CHMP6: variants seen among roughly 807,000 people sequenced by gnomAD.
The protein encoded by CHMP6 is charged multivesicular body protein 6.
A neutral mutation model predicts 32.8 loss-of-function variants in CHMP6; 10 were observed. That is an observed-to-expected ratio of 0.30 (90% CI 0.19 to 0.52). CHMP6 has a LOEUF of 0.52. Ranked by LOEUF, CHMP6 falls within the 20% of genes least tolerant of loss-of-function variation. The pLI is 0.97. For synonymous variants in CHMP6, 123 were observed against 105.8 expected (o/e 1.16, Z -1.00); for missense variants, 269 against 263.8 (o/e 1.02, Z -0.14).
Position 80,999,230 on chromosome 17 carries a change from C to G in CHMP6, c.*77C>G. 6.4e-7 allele frequency: 1 copy of G among 1,560,550 alleles called. No individual in the cohort carries two copies. The highest frequency in any genetic ancestry group is 8.8e-7 in the Non-Finnish European group (1 of 1,133,476). On this transcript the variant is annotated 3_prime_UTR_variant, in exon 8 of 8. Transcript: ENST00000325167. ...CAGAGAGTTTGGGTCACGGCCAGCC[C>G]CTGACCGGGTTCCCTGGAGCCCAGT...
At chr17:80,998,670 G>A in intron 7 of CHMP6, 3 of 1,401,506 alleles carry the variant, frequency 2.1e-6, no homozygotes, top group Middle Eastern at 2.7e-4. Context: ...AATCAGAACT[G>A]GGGAAAGGCT....
At position 80,999,389 on chromosome 17, in the gene CHMP6, G is replaced by T; in HGVS notation, c.*236G>T. On this transcript the variant is annotated 3_prime_UTR_variant, in exon 8 of 8. Transcript: ENST00000325167. ...TCTCAGTCCGGATTAACTCTCGACC[G>T]AGCCCAGCTTCTGCCGGTTGTGGGC... 2.0e-6 allele frequency: 1 copy of T among 505,142 alleles called. No homozygotes were observed. Among genetic ancestry groups the T allele is most frequent in the Non-Finnish European group, 3.6e-6 (1 of 279,518 alleles). The allele number at this position is 505,142 out of a possible 1,614,324, so 31.3% of individuals were successfully genotyped here.
At chr17:80,996,487 C>T (rs1364058599) in intron 4 of CHMP6, among the ~76,000 whole-genome samples, 1 of 152,188 alleles carries the variant, frequency 6.6e-6, no homozygotes, top group Admixed American at 6.5e-5. Flanking sequence ...CAGGGACTCA[C>T]CTGGCGGGAG....
chr17:80,998,689 A>G, intron 7 of CHMP6: 1 of 1,384,302 alleles, frequency 7.2e-7, no homozygotes, highest in Non-Finnish European at 9.4e-7. Context: ...CTTCTTTAGC[A>G]GCACCAGCTC....
intron 3 of CHMP6, 52 bp downstream of exon 3, chr17:80,995,158 C>T: frequency 6.6e-7 from 1 of 1,520,952 alleles, no homozygotes; most frequent in South Asian, 1.2e-5. Context: ...GGAGGCAGCT[C>T]CGCCCGGCTG....
At chr17:80,999,028 C>T in intron 7 of CHMP6, 70 bp from the exon 8 acceptor site, 1 of 1,585,428 alleles carries the variant, frequency 6.3e-7, no homozygotes, top group South Asian at 1.1e-5. Flanking sequence ...CCCCTGTGGC[C>T]TCGTCCCTCT....
rs1356828230 is a variant in CHMP6, at chr17:80,999,385, G to A, written c.*232G>A. 9.7e-6 allele frequency: 5 copies of A among 514,198 alleles called. No homozygotes were observed. The highest frequency in any genetic ancestry group is 3.4e-5 in the East Asian group (1 of 29,208). 31.9% of individuals were successfully genotyped at this position (514,198 alleles called of 1,614,324 possible). On this transcript the variant is annotated 3_prime_UTR_variant, in exon 8 of 8. Coordinates refer to ENST00000325167, the MANE Select transcript of CHMP6 (RefSeq NM_024591.5). Reference sequence around the variant, plus strand: ...CTGCTCTCAGTCCGGATTAACTCTCGACCGAGCCCAGCTTCTGCCGGTTGT... The same window carrying A: ...CTGCTCTCAGTCCGGATTAACTCTCAACCGAGCCCAGCTTCTGCCGGTTGT...
At chr17:80,998,063 C>T (rs1244261013) in intron 6 of CHMP6, among the ~76,000 whole-genome samples, 4 of 152,218 alleles carry the variant, frequency 2.6e-5, no homozygotes, top group Admixed American at 6.5e-5. Context: ...ACCCACCCCT[C>T]GGTCCCTGAG....
rs1456347923 is a variant in CHMP6 at position 80,999,946 on chromosome 17, C to T, written c.*793C>T. The T allele has an allele frequency of 2.0e-5, 3 of 152,270 alleles. No individual in the cohort carries two copies. The highest frequency in any genetic ancestry group is 3.9e-4 in the East Asian group (2 of 5,186). 9.4% of individuals were successfully genotyped at this position (152,270 alleles called of 1,614,324 possible). ...CGGGACCCTCCTGCCCTGCGGGTCC[C>T]CGAGCCACCAGCAGCCAGGACTGGA... On this transcript the variant is annotated 3_prime_UTR_variant, in exon 8 of 8. Coordinates refer to ENST00000325167, the MANE Select transcript of CHMP6 (RefSeq NM_024591.5).
Position 80,999,243 on chromosome 17 carries a change from C to G in CHMP6, c.*90C>G. The G allele has an allele frequency of 6.7e-7, 1 of 1,496,510 alleles. No individual in the cohort carries two copies. Among genetic ancestry groups the G allele is most frequent in the Non-Finnish European group, 9.3e-7 (1 of 1,076,756 alleles). The allele number at this position is 1,496,510 out of a possible 1,614,324, so 92.7% of individuals were successfully genotyped here. On this transcript the variant is annotated 3_prime_UTR_variant, in exon 8 of 8. Transcript: ENST00000325167. ...TCACGGCCAGCCCCTGACCGGGTTC[C>G]CTGGAGCCCAGTGCGCACGGTGCTG...
intron 4 of CHMP6, 131 bp from the exon 5 acceptor site, chr17:80,996,876 A>G (rs2069641791): frequency 2.1e-6 from 2 of 951,750 alleles, no homozygotes; most frequent in Admixed American, 2.9e-5. Flanking sequence ...ACACAGCCAG[A>G]CCTTGTCTTT....
In CHMP6 at chr17:80,999,262, G is replaced by A. The variant is rs532955075; in HGVS notation, c.*109G>A. ...GGGTTCCCTGGAGCCCAGTGCGCACGGTGCTGAGCAGAGCTGCAGCCACGC... is the reference window on the plus strand; with the variant it reads ...GGGTTCCCTGGAGCCCAGTGCGCACAGTGCTGAGCAGAGCTGCAGCCACGC... On this transcript the variant is annotated 3_prime_UTR_variant, in exon 8 of 8. Transcript: ENST00000325167. The A allele has an allele frequency of 1.2e-4, 155 of 1,277,152 alleles. 1 individual carries two copies. In the African/African-American group the frequency reaches 1.4e-3, roughly 12 times the overall value. The allele number at this position is 1,277,152 out of a possible 1,614,324, so 79.1% of individuals were successfully genotyped here.
chr17:80,997,474 G>A lies in CHMP6; in HGVS notation c.495+133G>A, dbSNP rs1411983183. 1.2e-5 allele frequency: 9 copies of A among 744,300 alleles called. No individual in the cohort carries two copies. In the East Asian group the frequency reaches 2.5e-4, roughly 20 times the overall value. 46.1% of individuals were successfully genotyped at this position (744,300 alleles called of 1,614,324 possible). ...AGTAAATAGTCTGCGGTTTGTGACTGGTTTTCCTACCTGAGGTGACTCTGT... is the reference window on the plus strand; with the variant it reads ...AGTAAATAGTCTGCGGTTTGTGACTAGTTTTCCTACCTGAGGTGACTCTGT... On this transcript the variant is annotated intron_variant, in intron 6 of 7. Transcript: ENST00000325167.
At chr17:80,994,465 C>T (rs1006379996) in intron 1 of CHMP6, 116 bp from the exon 2 acceptor site, 10 of 836,058 alleles carry the variant, frequency 1.2e-5, no homozygotes, top group Non-Finnish European at 1.8e-5. Flanking sequence ...GAAGGCAACC[C>T]TGCCCCATGA....
In CHMP6 at chr17:80,997,270, G is replaced by C. The variant is rs778393768; in HGVS notation, c.424G>C (p.Glu142Gln). 1.9e-6 allele frequency: 3 copies of C among 1,572,012 alleles called. No individual in the cohort carries two copies. Among genetic ancestry groups the C allele is most frequent in the South Asian group, 1.1e-5 (1 of 90,022 alleles). ...GCCTGTCCTTTTGCAGCAAATAGAC[G>C]AGCTCCTGGCAGGAAGCTTCACTCA... Reference protein sequence around the residue: ...EAVEYQRQIDELLAGSFTQED... With the variant: ...EAVEYQRQIDQLLAGSFTQED... The change falls in exon 6 of 8, where the codon GAG (glutamate) becomes CAG (glutamine). Residue 142 changes from glutamate to glutamine, a missense_variant. Transcript: ENST00000325167.
In CHMP6 at chr17:80,999,215, G is replaced by A. The variant is rs1032137384; in HGVS notation, c.*62G>A. The A allele has an allele frequency of 6.3e-7, 1 of 1,598,014 alleles. No individual in the cohort carries two copies. The highest frequency in any genetic ancestry group is 1.3e-5 in the African/African-American group (1 of 74,588). On this transcript the variant is annotated 3_prime_UTR_variant, in exon 8 of 8. Coordinates refer to ENST00000325167, the MANE Select transcript of CHMP6 (RefSeq NM_024591.5). ...AGGGACTGTGGCCCACAGAGAGTTT[G>A]GGTCACGGCCAGCCCCTGACCGGGT... is the stretch of plus-strand genomic sequence containing the variant.
intron 7 of CHMP6, 78 bp downstream of exon 7, chr17:80,998,498 T>C: frequency 6.2e-7 from 1 of 1,611,800 alleles, no homozygotes; most frequent in Non-Finnish European, 8.5e-7. Flanking sequence ...CAAGACAGAA[T>C]GCTCCCAGGC....
intron 3 of CHMP6, 57 bp downstream of exon 3, chr17:80,995,163 C>T (rs572710850): frequency 3.1e-5 from 46 of 1,497,888 alleles, no homozygotes; most frequent in African/African-American, 2.6e-4. Context: ...CAGCTCCGCC[C>T]GGCTGCGTGG....
At chr17:80,997,912 A>G (rs2069653197) in intron 6 of CHMP6, among the ~76,000 whole-genome samples, 1 of 152,224 alleles carries the variant, frequency 6.6e-6, no homozygotes, top group Non-Finnish European at 1.5e-5. Flanking sequence ...TGAGGGTCCG[A>G]GTCCTCCGGG....
Sources: gnomAD v4.1 joint callset for allele counts (sites outside exome capture counted in the v4.1 genomes callset) on GRCh38, gnomAD v4.1.1 for gene constraint, MANE v1.5 for transcripts, NCBI Gene and HGNC (gene_info 2026-07-23, HGNC 2026-07-21) for gene names.